ITGA3: variants seen among roughly 807,000 people sequenced by gnomAD.
ITGA3 encodes the protein integrin subunit alpha 3.
In ITGA3, 70 loss-of-function variants were observed where a neutral mutation model predicts 131.1. The ratio of observed to expected loss-of-function variants is 0.53; its 90% CI spans 0.44 to 0.65. The LOEUF (loss-of-function observed/expected upper bound fraction) is 0.65. ITGA3 is among the 30% of genes least tolerant of loss of function. The pLI is 0.00. For missense variants in ITGA3, 1,098 were observed against 1,388.6 expected (o/e 0.79, Z 3.33); for synonymous variants, 537 against 571.6 (o/e 0.94, Z 0.86).
At chr17:50,080,914 C>T (rs893441507) in intron 22 of ITGA3, among the ~76,000 whole-genome samples, 2 of 152,160 alleles carry the variant, frequency 1.3e-5, no homozygotes, top group African/African-American at 2.4e-5. Flanking sequence ...TTCAACTTGG[C>T]GGGCCATAGA....
chr17:50,074,598 C>T (rs558930856), intron 10 of ITGA3, 64 bp downstream of exon 10: 12 of 1,147,050 alleles, frequency 1.0e-5, no homozygotes, highest in Middle Eastern at 2.0e-4. Context: ...GGCTGCAGCT[C>T]CCAAACCCCT....
rs184785077 is a variant in ITGA3, at chr17:50,090,182, C to T, written c.*1104C>T. Reference sequence around the variant, plus strand: ...AATAGGCAGGGGGCCCTGCCCCACCCCATCCAGCCAGACCCCACGCTGACC... The same window carrying T: ...AATAGGCAGGGGGCCCTGCCCCACCTCATCCAGCCAGACCCCACGCTGACC... On this transcript the variant is annotated 3_prime_UTR_variant, in exon 26 of 26. Coordinates refer to ENST00000320031, the MANE Select transcript of ITGA3 (RefSeq NM_002204.4). 1 of 450,964 alleles carries T rather than the reference C, an allele frequency of 2.2e-6. No individual in the cohort carries two copies. Among genetic ancestry groups the T allele is most frequent in the African/African-American group, 2.0e-5 (1 of 50,080 alleles). 27.9% of individuals were successfully genotyped at this position (450,964 alleles called of 1,614,324 possible).
chr17:50,063,991 G>A (rs1454393745), intron 1 of ITGA3, 86 bp from the exon 2 acceptor site: 5 of 1,532,230 alleles, frequency 3.3e-6, no homozygotes, highest in African/African-American at 2.7e-5. Flanking sequence ...CCAAGAATCT[G>A]TAAATGTATG....
chr17:50,079,799 C>A (rs769223924), intron 21 of ITGA3, among the ~76,000 whole-genome samples: 2 of 152,232 alleles, frequency 1.3e-5, no homozygotes, highest in African/African-American at 4.8e-5. Flanking sequence ...TCCAAGGAAC[C>A]CCAGCCTGTT....
At chr17:50,061,777 C>T (rs115489472) in intron 1 of ITGA3, among the ~76,000 whole-genome samples, 1,557 of 152,292 alleles carry the variant, frequency 0.01, 21 homozygotes, top group African/African-American at 0.035. Flanking sequence ...CGGTGGCTCA[C>T]GCTTGTAATC....
intron 16 of ITGA3, 89 bp downstream of exon 16, chr17:50,077,536 C>A: frequency 1.9e-6 from 2 of 1,029,736 alleles, no homozygotes; most frequent in Non-Finnish European, 3.0e-6. Flanking sequence ...TGCCTGCCTG[C>A]TTTCTGGGCT....
In ITGA3 at chr17:50,079,470, G is replaced by A. The variant is rs150141066; in HGVS notation, c.2619G>A (p.Arg873=). ...PGDRPSSPQR[R]RRQLDPGGGQ... ...ACAGGCCATCATCCCCACAGCGCAG[G>A]CGGCGACAGCTGGATCCAGGGGGAG... The change falls in exon 21 of 26, where the codon AGG becomes AGA. Residue 873 remains arginine (R), a synonymous_variant. Coordinates refer to ENST00000320031, the MANE Select transcript of ITGA3 (RefSeq NM_002204.4). 1.3e-6 allele frequency: 2 copies of A among 1,577,940 alleles called. No homozygotes were observed. Among genetic ancestry groups the A allele is most frequent in the Non-Finnish European group, 8.6e-7 (1 of 1,163,356 alleles).
chr17:50,082,762 T>C (rs1424611143), intron 23 of ITGA3, among the ~76,000 whole-genome samples: 1 of 152,140 alleles, frequency 6.6e-6, no homozygotes, highest in African/African-American at 2.4e-5. Context: ...ATCAGAAAAG[T>C]GATAGAGCAT....
At position 50,075,670 on chromosome 17, in the gene ITGA3, G is replaced by C. The variant is rs1286402594; in HGVS notation, c.1609G>C (p.Ala537Pro). The C allele has an allele frequency of 1.9e-6, 3 of 1,614,204 alleles. No individual in the cohort carries two copies. The African/African-American group carries it at 4.0e-5, about 22-fold the overall frequency. Reference sequence around the variant, plus strand: ...GCTCCGCTTTGCCGGCAGTGAGTCCGCTGTCTTCCACGGCTTCTTCTCCAT... The same window carrying C: ...GCTCCGCTTTGCCGGCAGTGAGTCCCCTGTCTTCCACGGCTTCTTCTCCAT... ...PRLRFAGSESAVFHGFFSMPE... is the reference protein window; with the variant it reads ...PRLRFAGSESPVFHGFFSMPE... The change falls in exon 12 of 26, where the codon GCT becomes CCT. Residue 537 changes from alanine to proline, a missense_variant. Around this residue, in one of 3 missense-constraint regions of ITGA3, gnomAD observed 699 missense variants for 829.2 expected, o/e 0.84. Coordinates refer to ENST00000320031, the MANE Select transcript of ITGA3 (RefSeq NM_002204.4).
chr17:50,088,201 G>A lies in ITGA3; in HGVS notation c.3046-24G>A, dbSNP rs371620980. 35 of 1,547,374 alleles carry A rather than the reference G, an allele frequency of 2.3e-5. No homozygotes were observed. In the African/African-American group the frequency reaches 2.5e-4, roughly 11 times the overall value. ...TAGCCCAGCGCCCCCCTGATGGCCC[G>A]TCCCCACCTCCTCCCCTCCGCAGTG... is the stretch of plus-strand genomic sequence containing the variant. On this transcript the variant is annotated intron_variant, in intron 24 of 25. Transcript: ENST00000320031.
chr17:50,078,111 G>A lies in ITGA3; in HGVS notation c.2205G>A (p.Gln735=). 6.2e-7 allele frequency: 1 copy of A among 1,613,816 alleles called. No individual in the cohort carries two copies. Among genetic ancestry groups the A allele is most frequent in the Admixed American group, 1.7e-5 (1 of 60,000 alleles). Residue 735 remains glutamine (Q), a synonymous_variant, in exon 17 of 26, where the codon CAG becomes CAA. Transcript: ENST00000320031. ...VTLHTRDLQV[Q]LQLSTSSHQD... is the part of the protein sequence containing the mutation. Reference sequence around the variant, plus strand: ...TGCACACAAGGGACCTTCAGGTGCAGCTGCAGCTCTCCACGTGAGTGACCT... The same window carrying A: ...TGCACACAAGGGACCTTCAGGTGCAACTGCAGCTCTCCACGTGAGTGACCT...
At chr17:50,062,466 G>T (rs975546117) in intron 1 of ITGA3, among the ~76,000 whole-genome samples, 4 of 152,232 alleles carry the variant, frequency 2.6e-5, no homozygotes, top group Admixed American at 6.5e-5. Context: ...AGAGAGAAGT[G>T]ACTCTCCAGG....
At chr17:50,059,310 T>C (rs2144253583) in intron 1 of ITGA3, among the ~76,000 whole-genome samples, 1 of 152,316 alleles carries the variant, frequency 6.6e-6, no homozygotes, top group East Asian at 1.9e-4. Flanking sequence ...CATTCCCTCC[T>C]GGGAATCCAG....
intron 3 of ITGA3, 57 bp from the exon 4 acceptor site, chr17:50,067,999 C>G (rs1412417155): frequency 6.2e-7 from 1 of 1,603,916 alleles, no homozygotes; most frequent in East Asian, 2.2e-5. Flanking sequence ...GTAAAAGAGA[C>G]AGCTGACCCG....
chr17:50,077,396 T>G lies in ITGA3; in HGVS notation c.2088T>G (p.Ala696=). The G allele has an allele frequency of 2.5e-6, 4 of 1,614,102 alleles. No individual in the cohort carries two copies. Among genetic ancestry groups the G allele is most frequent in the Non-Finnish European group, 3.4e-6 (4 of 1,179,950 alleles). Residue 696 remains alanine (A), a synonymous_variant, in exon 16 of 26, where the codon GCT becomes GCG. Transcript: ENST00000320031. ...TTCCTCAGCCCGGGGCCTGCCAAGC[T>G]AATGAGACCATCTTTTGCGAGCTGG... ...SSVRPPGACQ[A]NETIFCELGN... is the part of the protein sequence containing the mutation.
In ITGA3 at chr17:50,074,448, G is replaced by T. The variant is rs564228095; in HGVS notation, c.1383G>T (p.Arg461=). 1.2e-6 allele frequency: 2 copies of T among 1,613,898 alleles called. No homozygotes were observed. Among genetic ancestry groups the T allele is most frequent in the Admixed American group, 3.3e-5 (2 of 60,014 alleles). The change falls in exon 10 of 26, where the codon CGG becomes CGT. Residue 461 remains arginine (R), a splice_region_variant and synonymous_variant. Transcript: ENST00000320031. ...CTGTCTGGCTCTGTTGTCTCTGCAG[G>T]GCCCGGCCCGTCATCAACATCGTCC... ...GSLSDHIVLL[R]ARPVINIVHK...
At chr17:50,077,926 TAGGAGG>T in intron 16 of ITGA3, 114 bp from the exon 17 acceptor site, 1 of 759,460 alleles carries the variant, frequency 1.3e-6, no homozygotes, top group Non-Finnish European at 2.2e-6. Flanking sequence ...TCACCCAGAA[TAGGAGG>T]AGGAGGAGAA....
intron 3 of ITGA3, among the ~76,000 whole-genome samples, chr17:50,067,322 G>T (rs1042102367): frequency 1.3e-5 from 2 of 152,170 alleles, no homozygotes; most frequent in African/African-American, 4.8e-5. Context: ...CCATCAGTTT[G>T]CCCAATAAAT....
intron 7 of ITGA3, among the ~76,000 whole-genome samples, chr17:50,072,560 G>A (rs1347564656): frequency 3.9e-5 from 6 of 152,062 alleles, no homozygotes; most frequent in Admixed American, 2.6e-4. Flanking sequence ...GGGGTGGGGT[G>A]AGGATGGATG....
Sources: gnomAD v4.1 joint callset for allele counts (sites outside exome capture counted in the v4.1 genomes callset) on GRCh38, gnomAD v4.1.1 for gene constraint, gnomAD v4.1.1 regional missense constraint, MANE v1.5 for transcripts, NCBI Gene and HGNC (gene_info 2026-07-23, HGNC 2026-07-21) for gene names.